The following CABLES2 variants were observed in gnomAD, a reference collection of about 807,000 sequenced individuals.
CABLES2 encodes the protein Cdk5 and Abl enzyme substrate 2, also known as CDK5 and ABL1 enzyme substrate 2.
CABLES2 carries 35 observed loss-of-function variants against 44.8 expected under a neutral mutation model. That is an observed-to-expected ratio of 0.78 (90% confidence interval 0.60 to 1.04). CABLES2 has a LOEUF of 1.04. Ranked by LOEUF, CABLES2 falls within the 50% of genes least tolerant of loss-of-function variation. CABLES2 has a pLI of 0.00. For synonymous variants in CABLES2, 282 were observed against 281.1 expected (o/e 1.00, Z -0.03); for missense variants, 566 against 615.7 (o/e 0.92, Z 0.85).
chr20:62,399,877 A>T (rs1031653672), intron 1 of CABLES2, among the ~76,000 whole-genome samples: 2 of 152,212 alleles, frequency 1.3e-5, no homozygotes, highest in Non-Finnish European at 2.9e-5. Flanking sequence ...TACAGGCGTG[A>T]GCCACCATAT....
Position 62,407,093 on chromosome 20 carries a change from G to A in CABLES2, c.184C>T (p.Pro62Ser), listed in dbSNP as rs1327037129. 24 of 1,049,012 alleles carry A rather than the reference G, an allele frequency of 2.3e-5. No homozygotes were observed. The highest frequency in any genetic ancestry group is 2.6e-5 in the Non-Finnish European group (23 of 870,410). The allele number at this position is 1,049,012 out of a possible 1,614,324, so 65.0% of individuals were successfully genotyped here. The change falls in exon 1 of 10, where the codon CCG becomes TCG. Residue 62 changes from proline (P) to serine (S), a missense_variant. Pro to Ser is a moderately conservative substitution (Grantham distance 74). This residue lies in a region of CABLES2 where 130 missense variants were observed against 79.4 expected (regional missense o/e 1.64). Transcript: ENST00000279101. ...LNNISLDGRPPSLGPGGEKPP... is the reference protein window; with the variant it reads ...LNNISLDGRPSSLGPGGEKPP... ...TTCTCTCCGCCCGGGCCCAGGCTCG[G>A]GGGCCGCCCGTCCAGGGAGATGTTG...
In CABLES2 at chr20:62,407,260, GCCGC is replaced by G; in HGVS notation, c.13_16del (p.Ala5ProfsTer153). On this transcript the variant is annotated frameshift_variant, in exon 1 of 10. Coordinates refer to ENST00000279101, the MANE Select transcript of CABLES2 (RefSeq NM_031215.3). LOFTEE classifies it high-confidence loss of function. ...GGGGGCCGGGCCCGGGGCTCCACCG[GCCGC>G]GGCCGCGGCCATCCTCAGACTGCGC... 1 of 574,812 alleles carries G rather than the reference GCCGC, an allele frequency of 1.7e-6. No individual in the cohort carries two copies. The highest frequency in any genetic ancestry group is 2.2e-6 in the Non-Finnish European group (1 of 458,304). The allele number at this position is 574,812 out of a possible 1,614,324, so 35.6% of individuals were successfully genotyped here.
chr20:62,393,377 T>C lies in CABLES2; in HGVS notation c.880+63A>G, dbSNP rs114715896. On this transcript the variant is annotated intron_variant, in intron 6 of 9. Coordinates refer to ENST00000279101, the MANE Select transcript of CABLES2 (RefSeq NM_031215.3). ...GGCTTGCTGATGCTGCTGCAGTCCCTGGGCCGTGGTTAAGGCACGCGGGTC... is the reference window on the plus strand; with the variant it reads ...GGCTTGCTGATGCTGCTGCAGTCCCCGGGCCGTGGTTAAGGCACGCGGGTC... 3.1e-3 allele frequency: 4,592 copies of C among 1,496,290 alleles called. 126 individuals carry two copies. The African/African-American group carries it at 0.057, about 18-fold the overall frequency. The allele number at this position is 1,496,290 out of a possible 1,614,324, so 92.7% of individuals were successfully genotyped here.
intron 3 of CABLES2, among the ~76,000 whole-genome samples, chr20:62,395,911 T>C (rs1456395919): frequency 6.6e-6 from 1 of 152,174 alleles, no homozygotes; most frequent in Non-Finnish European, 1.5e-5. Flanking sequence ...GCTGCGGCCC[T>C]CCGCCAGCTT....
intron 1 of CABLES2, among the ~76,000 whole-genome samples, chr20:62,401,738 TG>T (rs1244901645): frequency 1.3e-5 from 2 of 152,038 alleles, no homozygotes; most frequent in African/African-American, 4.8e-5. Context: ...CCCCTCAGTG[TG>T]GGGGAGGGGC....
intron 4 of CABLES2, 143 bp downstream of exon 4, chr20:62,394,794 T>C (rs1987986056): frequency 5.8e-6 from 4 of 687,854 alleles, no homozygotes; most frequent in Non-Finnish European, 7.3e-6. Context: ...TGCTGGAGGT[T>C]GACATGCTGA....
At position 62,396,983 on chromosome 20, in the gene CABLES2, T is replaced by A. The variant is rs1234108898; in HGVS notation, c.363-391A>T. ...CCCACCCAGCGCTGCCTGAGACTGG[T>A]GCTGCCTGCCCCTCCCTGAAGCACA... is the stretch of plus-strand genomic sequence containing the variant. On this transcript the variant is annotated intron_variant, in intron 1 of 9. Coordinates refer to ENST00000279101, the MANE Select transcript of CABLES2 (RefSeq NM_031215.3). This position sits in a 1 kb window ranked among gnomAD's most constrained non-coding sequence, Gnocchi z 5.7. 6.6e-6 allele frequency among the ~76,000 whole-genome samples: 1 copy of A among 152,098 alleles called. No individual in the cohort carries two copies. The highest frequency in any genetic ancestry group is 2.4e-5 in the African/African-American group (1 of 41,416).
intron 1 of CABLES2, among the ~76,000 whole-genome samples, chr20:62,398,146 TGGTGGTGGTGAC>T (rs1988098389): frequency 7.1e-6 from 1 of 141,112 alleles, no homozygotes; most frequent in East Asian, 2.1e-4. Context: ...GTGATGGTGG[TGGTGGTGGTGAC>T]GGTGATGGTG....
intron 1 of CABLES2, among the ~76,000 whole-genome samples, chr20:62,401,978 A>G (rs1988196842): frequency 6.6e-6 from 1 of 152,318 alleles, no homozygotes; most frequent in East Asian, 1.9e-4. Flanking sequence ...TGCTGGGGCA[A>G]ATGCAAGTTC....
chr20:62,393,676 A>G, intron 5 of CABLES2, 71 bp from the exon 6 acceptor site: 1 of 1,481,206 alleles, frequency 6.8e-7, no homozygotes, highest in Non-Finnish European at 9.0e-7. Context: ...CTCCCGCTGC[A>G]GGAAGCCCAG....
chr20:62,397,974 G>GTGA (rs1988063164), intron 1 of CABLES2, among the ~76,000 whole-genome samples: 1 of 94,446 alleles, frequency 1.1e-5, no homozygotes, highest in Admixed American at 9.7e-5. Flanking sequence ...GGTGGTGACA[G>GTGA]TGGTGATGGC....
chr20:62,393,107 C>G, intron 6 of CABLES2, 84 bp from the exon 7 acceptor site: 1 of 1,235,122 alleles, frequency 8.1e-7, no homozygotes, highest in Middle Eastern at 1.9e-4. Flanking sequence ...AGCGCCATGG[C>G]GGGGCAAGGC....
At position 62,391,380 on chromosome 20, in the gene CABLES2, A is replaced by C. The variant is rs1193476536; in HGVS notation, c.1165T>G (p.Tyr389Asp). 6.2e-7 allele frequency: 1 copy of C among 1,613,328 alleles called. No individual in the cohort carries two copies. Among genetic ancestry groups the C allele is most frequent in the Non-Finnish European group, 8.5e-7 (1 of 1,180,034 alleles). The change falls in exon 9 of 10, where the codon TAC becomes GAC. Residue 389 changes from tyrosine (Y) to aspartate (D), a missense_variant. By Grantham distance (160) the Tyr-to-Asp change is radical. Coordinates refer to ENST00000279101, the MANE Select transcript of CABLES2 (RefSeq NM_031215.3). The surrounding 1 kb of genome is among the most constrained non-coding windows in gnomAD (Gnocchi z 5.7). ...EPVTVAMAYV[Y>D]FEKLVLQGKL... ...CCCTGCAGGACCAGCTTCTCAAAGT[A>C]CACGTAGGCCATGGCCACCGTCACG... is the stretch of plus-strand genomic sequence containing the variant.
rs1209519304 is a variant in CABLES2, at chr20:62,398,183, G to GAC, written c.363-1592_363-1591insGT. The stretch of plus-strand genomic sequence containing the variant: ...CGGTGATGGTGGTAATGGTGGTGGT[G>GAC]GTGATGGTGATGATGGTGGTGATGG... On this transcript the variant is annotated intron_variant, in intron 1 of 9. Coordinates refer to ENST00000279101, the MANE Select transcript of CABLES2 (RefSeq NM_031215.3). Among the ~76,000 whole-genome samples, 4 of 107,402 alleles carry GAC rather than the reference G, an allele frequency of 3.7e-5. 1 individual carries two copies. Among genetic ancestry groups the GAC allele is most frequent in the African/African-American group, 7.6e-5 (2 of 26,156 alleles). The allele number at this position is 107,402 out of a possible 152,430, so 70.5% of individuals were successfully genotyped here.
In CABLES2 at chr20:62,394,196, G is replaced by T. The variant is rs752249381; in HGVS notation, c.675C>A (p.Val225=). Residue 225 remains valine, a synonymous_variant, in exon 5 of 10, where the codon GTC becomes GTA. Coordinates refer to ENST00000279101, the MANE Select transcript of CABLES2 (RefSeq NM_031215.3). ...CTAGCTCCACACCTTCTAGCTCAAAGACCATCTCGGAAGACACAGAGACGC... is the reference window on the plus strand; with the variant it reads ...CTAGCTCCACACCTTCTAGCTCAAATACCATCTCGGAAGACACAGAGACGC... ...SGGVSVSSEM[V]FELEGVELGA... is the part of the protein sequence containing the mutation. The T allele has an allele frequency of 6.2e-7, 1 of 1,613,594 alleles. No homozygotes were observed. Among genetic ancestry groups the T allele is most frequent in the East Asian group, 2.2e-5 (1 of 44,884 alleles).
At chr20:62,399,302 G>A (rs1377698602) in intron 1 of CABLES2, among the ~76,000 whole-genome samples, 1 of 149,736 alleles carries the variant, frequency 6.7e-6, no homozygotes, top group African/African-American at 2.5e-5. Flanking sequence ...CTGGAGTGGA[G>A]GGGGCGCCAT....
intron 5 of CABLES2, 69 bp downstream of exon 5, chr20:62,394,088 G>A (rs1042238695): frequency 1.1e-5 from 14 of 1,218,190 alleles, no homozygotes; most frequent in Non-Finnish European, 1.6e-5. Flanking sequence ...GGGCACTGAC[G>A]TGGGACTGCT....
chr20:62,401,940 C>T (rs886684063), intron 1 of CABLES2, among the ~76,000 whole-genome samples: 18 of 152,374 alleles, frequency 1.2e-4, no homozygotes, highest in Admixed American at 3.3e-4. Context: ...ACGAGGCCCT[C>T]GGCAAGGCCC....
intron 1 of CABLES2, among the ~76,000 whole-genome samples, chr20:62,398,077 T>TGAC (rs1988082385): frequency 2.7e-4 from 9 of 33,056 alleles, no homozygotes; most frequent in African/African-American, 1.1e-3. Context: ...GTGACGGTGG[T>TGAC]GGTGGTGGTG....
Sources: allele counts gnomAD v4.1 joint callset (sites outside exome capture counted in the v4.1 genomes callset), GRCh38; gene constraint gnomAD v4.1.1; regional missense constraint gnomAD v4.1.1; non-coding constraint Gnocchi (gnomAD v3.1); transcripts MANE v1.5; gene names NCBI Gene and HGNC (gene_info 2026-07-23, HGNC 2026-07-21).